The following PLA2G4E variants were observed in gnomAD, a reference collection of about 807,000 sequenced individuals.
PLA2G4E encodes the protein cytosolic phospholipase A2 epsilon.
PLA2G4E carries 84 observed loss-of-function variants against 109.1 expected under a neutral mutation model. The observed-to-expected ratio is 0.77, with a 90% CI of 0.65 to 0.92. The LOEUF (loss-of-function observed/expected upper bound fraction) is 0.92. PLA2G4E is among the 40% of genes least tolerant of loss of function. The probability of loss-of-function intolerance (pLI) is 0.00; values close to 1 mark genes in which losing one functional copy is unlikely to be tolerated. For missense variants in PLA2G4E, 1,057 were observed against 1,076.6 expected (o/e 0.98, Z 0.25); for synonymous variants, 469 against 436.1 (o/e 1.08, Z -0.94).
At chr15:42,037,817 C>T (rs1195362199) in intron 1 of PLA2G4E, among the ~76,000 whole-genome samples, 2 of 152,340 alleles carry the variant, frequency 1.3e-5, no homozygotes, top group East Asian at 3.9e-4. Flanking sequence ...GTGGAAGCTG[C>T]TTGCGGTGCA....
chr15:42,028,534 G>A (rs909614202), intron 1 of PLA2G4E, among the ~76,000 whole-genome samples: 9 of 152,068 alleles, frequency 5.9e-5, no homozygotes, highest in Non-Finnish European at 1.3e-4. Flanking sequence ...AGCCTTCTGA[G>A]TAGCTGGGAT....
rs2068165621 is a variant in PLA2G4E, at chr15:41,987,677, T to C, written c.1832-302A>G. Among the ~76,000 whole-genome samples, 5 of 152,250 alleles carry C rather than the reference T, an allele frequency of 3.3e-5. No homozygotes were observed. In the Middle Eastern group the frequency reaches 0.014, roughly 414 times the overall value. Reference sequence around the variant, plus strand: ...CTATAGACCCTACTCTCCTCACTTCTCCTGGGTGCTGGCAGCCTTGCCTCC... The same window carrying C: ...CTATAGACCCTACTCTCCTCACTTCCCCTGGGTGCTGGCAGCCTTGCCTCC... On this transcript the variant is annotated intron_variant, in intron 16 of 19. Coordinates refer to ENST00000399518, the Ensembl canonical transcript of PLA2G4E.
chr15:42,006,100 A>G (rs2068473962), exon 4 of PLA2G4E: 1 of 1,613,794 alleles, frequency 6.2e-7, no homozygotes, highest in African/African-American at 1.3e-5. Context: ...TCTTCATCAC[A>G]GACACTCAAC....
chr15:42,024,415 C>T (rs1484889796), intron 1 of PLA2G4E, among the ~76,000 whole-genome samples: 1 of 152,208 alleles, frequency 6.6e-6, no homozygotes, highest in African/African-American at 2.4e-5. Flanking sequence ...TACTTGGGCC[C>T]AGCCTTGCTG....
rs375656856 is a variant in PLA2G4E at position 41,983,692 on chromosome 15, C to T, written c.*62G>A. 1.4e-6 allele frequency: 2 copies of T among 1,445,822 alleles called. 1 individual carries two copies. The highest frequency in any genetic ancestry group is 2.8e-5 in the African/African-American group (2 of 70,762). The allele number at this position is 1,445,822 out of a possible 1,614,324, so 89.6% of individuals were successfully genotyped here. On this transcript the variant is annotated 3_prime_UTR_variant, in exon 20 of 20. Coordinates refer to ENST00000399518, the Ensembl canonical transcript of PLA2G4E. Reference sequence around the variant, plus strand: ...TGGCTGCGTAGTAACCTGGTCAGCCCTGAGGGGTCCTGCACCTCTGATGGT... The same window carrying T: ...TGGCTGCGTAGTAACCTGGTCAGCCTTGAGGGGTCCTGCACCTCTGATGGT...
intron 17 of PLA2G4E, 38 bp downstream of exon 17, chr15:41,987,134 A>G: frequency 5.1e-6 from 8 of 1,569,056 alleles, no homozygotes; most frequent in African/African-American, 1.4e-5. Flanking sequence ...CCTCCTCCAT[A>G]TGGAGGCAGG....
chr15:42,016,832 A>G (rs2068599980), intron 1 of PLA2G4E, among the ~76,000 whole-genome samples: 1 of 152,268 alleles, frequency 6.6e-6, no homozygotes, highest in South Asian at 2.1e-4. Flanking sequence ...CTCATGGTCA[A>G]TAACTTGCTC....
chr15:42,012,430 T>G (rs11632711), intron 2 of PLA2G4E, among the ~76,000 whole-genome samples: 1 of 151,934 alleles, frequency 6.6e-6, no homozygotes, highest in African/African-American at 2.4e-5. Context: ...ATTAACCTCT[T>G]GTTGCAAAAT....
At chr15:41,998,690 A>G (rs532235298) in intron 10 of PLA2G4E, 1 of 152,348 alleles carries the variant, frequency 6.6e-6, no homozygotes, top group Non-Finnish European at 1.5e-5. Context: ...TGATTACCTA[A>G]AAATTGATCA....
At chr15:42,007,936 G>A (rs2068494277) in intron 2 of PLA2G4E, 71 bp from the exon 3 acceptor site, 1 of 1,501,330 alleles carries the variant, frequency 6.7e-7, no homozygotes, top group Admixed American at 2.0e-5. Flanking sequence ...GGAACTTCAG[G>A]CAAGCCTCTT....
chr15:42,049,419 AAC>A (rs1889471300), intron 1 of PLA2G4E, among the ~76,000 whole-genome samples: 1 of 152,178 alleles, frequency 6.6e-6, no homozygotes, highest in Non-Finnish European at 1.5e-5. Context: ...CCCACGTCTC[AAC>A]ACTGTTGCAT....
At chr15:41,995,613 G>A (rs1023201918) in intron 11 of PLA2G4E, 117 bp from the exon 12 acceptor site, 1 of 1,382,246 alleles carries the variant, frequency 7.2e-7, no homozygotes, top group African/African-American at 1.4e-5. Context: ...GGCTACAGAG[G>A]GCAGGGAGTG....
At chr15:42,013,634 T>C in intron 2 of PLA2G4E, 51 bp downstream of exon 2, 1 of 1,501,406 alleles carries the variant, frequency 6.7e-7, no homozygotes, top group Non-Finnish European at 9.0e-7. Flanking sequence ...CAGGGCCTCT[T>C]CCATCCAGAT....
intron 15 of PLA2G4E, 36 bp from the exon 16 acceptor site, chr15:41,988,192 G>T: frequency 1.4e-6 from 2 of 1,457,650 alleles, no homozygotes; most frequent in Non-Finnish European, 1.9e-6. Flanking sequence ...GCTCCACCCT[G>T]CAGCCCCAGG....
At chr15:42,017,007 G>A (rs1006526665) in intron 1 of PLA2G4E, among the ~76,000 whole-genome samples, 1 of 152,212 alleles carries the variant, frequency 6.6e-6, no homozygotes, top group Non-Finnish European at 1.5e-5. Context: ...GGCCTGGTGA[G>A]GAGGCAGGGT....
intron 1 of PLA2G4E, among the ~76,000 whole-genome samples, chr15:42,031,436 C>T (rs1283548360): frequency 2.0e-5 from 3 of 152,100 alleles, no homozygotes; most frequent in Non-Finnish European, 4.4e-5. Context: ...TGTCTGGGCT[C>T]GTCTAAAAAT....
chr15:42,048,326 C>A (rs1889449257), intron 1 of PLA2G4E, among the ~76,000 whole-genome samples: 2 of 152,160 alleles, frequency 1.3e-5, no homozygotes, highest in Non-Finnish European at 1.5e-5. Context: ...ATGCATTTCT[C>A]AGAACATGTC....
At position 41,986,981 on chromosome 15, in the gene PLA2G4E, C is replaced by T. The variant is rs1023846717; in HGVS notation, c.2035+191G>A. ...CAGTGAGTTAAGTACCCACACCACTCCCTGCTGCCAGACACATACAGTGTT... is the reference window on the plus strand; with the variant it reads ...CAGTGAGTTAAGTACCCACACCACTTCCTGCTGCCAGACACATACAGTGTT... On this transcript the variant is annotated intron_variant, in intron 17 of 19. Coordinates refer to ENST00000399518, the Ensembl canonical transcript of PLA2G4E. The T allele has an allele frequency of 2.4e-5, 15 of 619,882 alleles. No homozygotes were observed. The African/African-American group carries it at 2.8e-4, about 11-fold the overall frequency. 38.4% of individuals were successfully genotyped at this position (619,882 alleles called of 1,614,324 possible). A position where few individuals can be genotyped will look rare whatever the true frequency, so the allele number is the denominator to read the frequency against.
At chr15:41,989,702 C>A (rs2068211432) in intron 14 of PLA2G4E, 150 bp from the exon 15 acceptor site, 6 of 1,104,706 alleles carry the variant, frequency 5.4e-6, no homozygotes, top group Non-Finnish European at 7.6e-6. Flanking sequence ...CATGGGGGCA[C>A]CCTTGGCCAG....
Sources: allele counts gnomAD v4.1 joint callset (sites outside exome capture counted in the v4.1 genomes callset), GRCh38; gene constraint gnomAD v4.1.1; transcripts MANE v1.5; gene names NCBI Gene and HGNC (gene_info 2026-07-23, HGNC 2026-07-21).